Variants in VAT1L observed in about 807,000 individuals in gnomAD.
VAT1L encodes the protein putative NADPH-dependent quinone oxidoreductase VAT1L.
In VAT1L, 34 loss-of-function variants were observed where a neutral mutation model predicts 44.1. The ratio of observed to expected loss-of-function variants is 0.77; its 90% CI spans 0.59 to 1.03. The LOEUF (loss-of-function observed/expected upper bound fraction) is 1.03. Ranked by LOEUF, VAT1L falls within the 50% of genes least tolerant of loss-of-function variation. The pLI is 0.00. For missense variants in VAT1L, 615 were observed against 538.8 expected, an observed-to-expected ratio of 1.14 and a Z score of -1.40; for synonymous variants, 253 against 202.2, an observed-to-expected ratio of 1.25 and a Z score of -2.13.
At chr16:77,882,592 T>A (rs545877000) in intron 6 of VAT1L, among the ~76,000 whole-genome samples, 1 of 152,358 alleles carries the variant, frequency 6.6e-6, no homozygotes, top group South Asian at 2.1e-4. Context: ...TTAAGAGATT[T>A]GCCTAAAGTC....
At chr16:77,877,485 C>G (rs12928087) in intron 5 of VAT1L, among the ~76,000 whole-genome samples, 2,240 of 138,142 alleles carry the variant, frequency 0.016, 28 homozygotes, top group Middle Eastern at 0.065. Context: ...TGCACTCTAG[C>G]CTGGGCGACA....
intron 3 of VAT1L, among the ~76,000 whole-genome samples, chr16:77,834,661 CT>C (rs1349946754): frequency 6.6e-6 from 1 of 151,924 alleles, no homozygotes; most frequent in Non-Finnish European, 1.5e-5. Context: ...TGCATTTGAG[CT>C]TTATGTGAGC....
intron 1 of VAT1L, among the ~76,000 whole-genome samples, chr16:77,811,501 G>C (rs2016265308): frequency 1.3e-5 from 2 of 152,134 alleles, no homozygotes; most frequent in East Asian, 1.9e-4. Flanking sequence ...ATGACAGCCT[G>C]GTGGTCAGAA....
intron 3 of VAT1L, among the ~76,000 whole-genome samples, chr16:77,851,973 A>G (rs188775271): frequency 6.6e-6 from 1 of 152,294 alleles, no homozygotes. Context: ...TGGCAAGAGC[A>G]GGATCAGAAC....
chr16:77,935,819 T>G (rs151261023), intron 7 of VAT1L, among the ~76,000 whole-genome samples: 214 of 152,306 alleles, frequency 1.4e-3, no homozygotes, highest in Non-Finnish European at 2.4e-3. Context: ...CTAAACCCTA[T>G]GAGCTTCAGT....
chr16:77,975,837 C>G (rs2018334523), intron 8 of VAT1L, among the ~76,000 whole-genome samples: 1 of 152,216 alleles, frequency 6.6e-6, no homozygotes, highest in African/African-American at 2.4e-5. Flanking sequence ...CCAGTCCTGG[C>G]CATCTGACCA....
rs1048082982 is a variant in VAT1L at position 77,879,049 on chromosome 16, T to A, written c.827-120T>A. 3 of 979,136 alleles carry A rather than the reference T, an allele frequency of 3.1e-6. No individual in the cohort carries two copies. Among genetic ancestry groups the A allele is most frequent in the Non-Finnish European group, 4.7e-6 (3 of 633,312 alleles). The allele number at this position is 979,136 out of a possible 1,614,324, so 60.7% of individuals were successfully genotyped here. A position where few individuals can be genotyped will look rare whatever the true frequency, so the allele number is the denominator to read the frequency against. ...TTCCCCTCACTTTGCCAAGGCTTAATTAAATTTGTTTTCAAGATTTCTCCA... is the reference window on the plus strand; with the variant it reads ...TTCCCCTCACTTTGCCAAGGCTTAAATAAATTTGTTTTCAAGATTTCTCCA... On this transcript the variant is annotated intron_variant, in intron 5 of 8. Transcript: ENST00000302536. The surrounding 1 kb of genome is among the most constrained non-coding windows in gnomAD (Gnocchi z 4.1).
At chr16:77,800,349 G>A (rs1425716150) in intron 1 of VAT1L, 8 of 152,150 alleles carry the variant, frequency 5.3e-5, no homozygotes, top group Non-Finnish European at 1.2e-4. Flanking sequence ...GTTATTTCAT[G>A]AGCAATCACT....
chr16:77,790,419 A>G (rs1163447483), intron 1 of VAT1L, among the ~76,000 whole-genome samples: 2 of 152,010 alleles, frequency 1.3e-5, no homozygotes, highest in African/African-American at 4.8e-5. Context: ...CCCCCACCCC[A>G]CACTGTTTGG....
At chr16:77,932,774 G>C (rs780251228) in intron 7 of VAT1L, among the ~76,000 whole-genome samples, 1 of 152,082 alleles carries the variant, frequency 6.6e-6, no homozygotes, top group Non-Finnish European at 1.5e-5. Context: ...CTTCCTCTCT[G>C]TTCTGCCCAC....
chr16:77,838,079 C>T (rs2016659882), intron 3 of VAT1L, among the ~76,000 whole-genome samples: 1 of 152,138 alleles, frequency 6.6e-6, no homozygotes, highest in African/African-American at 2.4e-5. Context: ...GTCTCAAGCC[C>T]CCTTCCAAAC....
chr16:77,928,469 A>G (rs150959279), intron 7 of VAT1L, among the ~76,000 whole-genome samples: 3 of 152,316 alleles, frequency 2.0e-5, no homozygotes, highest in East Asian at 1.9e-4. Context: ...GAGATTTTTC[A>G]TAACACTATC....
At chr16:77,878,297 T>C (rs2142455404) in intron 5 of VAT1L, among the ~76,000 whole-genome samples, 1 of 152,292 alleles carries the variant, frequency 6.6e-6, no homozygotes, top group South Asian at 2.1e-4. Flanking sequence ...GGCTACTAGT[T>C]TACCCAGGCT....
intron 3 of VAT1L, among the ~76,000 whole-genome samples, chr16:77,826,179 C>G (rs2016520037): frequency 6.8e-6 from 1 of 148,062 alleles, no homozygotes; most frequent in Admixed American, 6.7e-5. Flanking sequence ...TGCACTCCAG[C>G]CTGGGCGACA....
chr16:77,876,338 A>C, intron 4 of VAT1L, 32 bp from the exon 5 acceptor site: 1 of 1,589,398 alleles, frequency 6.3e-7, no homozygotes, highest in East Asian at 2.2e-5. Context: ...CTGACAGGTC[A>C]CAGAATTTTG....
At chr16:77,895,979 A>T (rs1273245150) in intron 7 of VAT1L, among the ~76,000 whole-genome samples, 1 of 152,178 alleles carries the variant, frequency 6.6e-6, no homozygotes, top group Non-Finnish European at 1.5e-5. Context: ...AAAGGCCTGG[A>T]AGTTGGAGAG....
At chr16:77,867,426 A>C (rs2016986276) in intron 4 of VAT1L, among the ~76,000 whole-genome samples, 1 of 152,220 alleles carries the variant, frequency 6.6e-6, no homozygotes, top group African/African-American at 2.4e-5. Flanking sequence ...CATTGGGTGG[A>C]AATGGGTACA....
intron 3 of VAT1L, among the ~76,000 whole-genome samples, chr16:77,852,637 G>A (rs2016818885): frequency 6.6e-6 from 1 of 152,194 alleles, no homozygotes; most frequent in Admixed American, 6.5e-5. Flanking sequence ...GCAATATGAT[G>A]TTGGGTGGAT....
chr16:77,830,020 G>A (rs1198133192), intron 3 of VAT1L, among the ~76,000 whole-genome samples: 5 of 152,118 alleles, frequency 3.3e-5, no homozygotes, highest in Non-Finnish European at 7.4e-5. Flanking sequence ...ATTTGATGCT[G>A]TCACTGGTCC....
Sources: gnomAD v4.1 joint callset for allele counts (sites outside exome capture counted in the v4.1 genomes callset) on GRCh38, gnomAD v4.1.1 for gene constraint, Gnocchi (gnomAD v3.1) non-coding constraint, MANE v1.5 for transcripts, NCBI Gene and HGNC (gene_info 2026-07-23, HGNC 2026-07-21) for gene names.